RORA: variants seen among roughly 807,000 people sequenced by gnomAD.
RORA encodes the protein nuclear receptor ROR-alpha.
In RORA, 7 loss-of-function variants were observed where a neutral mutation model predicts 69.5. The observed-to-expected ratio is 0.10, with a 90% CI of 0.06 to 0.19. The LOEUF (loss-of-function observed/expected upper bound fraction) is 0.19. RORA is among the 10% of genes least tolerant of loss of function. RORA has a pLI of 1.00. For synonymous variants in RORA, 261 were observed against 240.8 expected (o/e 1.08, Z -0.78); for missense variants, 457 against 663.0 (o/e 0.69, Z 3.41).
chr15:61,181,583 T>C (rs1346033422), intron 1 of RORA, among the ~76,000 whole-genome samples: 1 of 151,552 alleles, frequency 6.6e-6, no homozygotes, highest in Non-Finnish European at 1.5e-5. Flanking sequence ...AATCAGACTT[T>C]GTTGCCACCT....
At chr15:61,150,839 C>G (rs111335524) in intron 1 of RORA, among the ~76,000 whole-genome samples, 1 of 152,202 alleles carries the variant, frequency 6.6e-6, no homozygotes, top group Non-Finnish European at 1.5e-5. Context: ...TGCCATTTCT[C>G]TACTTATCAG....
rs562805662 is a variant in RORA, at chr15:60,741,892, C to T, written c.167-63206G>A. ...ATCCCCTCACTCGCCTCAAACCAAC[C>T]GTGCAAATCTCCTTGGGAAGCAACA... On this transcript the variant is annotated intron_variant, in intron 1 of 10. Coordinates refer to ENST00000335670, the MANE Select transcript of RORA (RefSeq NM_134261.3). Among the ~76,000 whole-genome samples the T allele has an allele frequency of 3.4e-3, 521 of 152,308 alleles. 1 individual carries two copies. The highest frequency in any genetic ancestry group is 3.8e-3 in the African/African-American group (157 of 41,562).
At chr15:60,565,085 A>C (rs897182278) in intron 2 of RORA, among the ~76,000 whole-genome samples, 1 of 152,220 alleles carries the variant, frequency 6.6e-6, no homozygotes, top group Non-Finnish European at 1.5e-5. Flanking sequence ...GCTTTGAAGA[A>C]GAACACTGTC....
At chr15:60,713,604 G>T (rs1490886639) in intron 1 of RORA, among the ~76,000 whole-genome samples, 6 of 152,128 alleles carry the variant, frequency 3.9e-5, no homozygotes, top group African/African-American at 9.7e-5. Flanking sequence ...GTCATATTCA[G>T]CCCTTAGGAA....
chr15:61,111,317 G>A (rs1345191276), intron 1 of RORA, among the ~76,000 whole-genome samples: 2 of 152,296 alleles, frequency 1.3e-5, no homozygotes, highest in East Asian at 1.9e-4. Context: ...TTATTGGAAG[G>A]CATGCTTACT....
At chr15:61,195,445 G>A (rs1358521525) in intron 1 of RORA, among the ~76,000 whole-genome samples, 1 of 151,418 alleles carries the variant, frequency 6.6e-6, no homozygotes, top group Non-Finnish European at 1.5e-5. Flanking sequence ...GGCATTCACA[G>A]TTCTCCACAG....
intron 1 of RORA, among the ~76,000 whole-genome samples, chr15:60,882,636 TACACAC>T (rs67057464): frequency 0.28 from 40,976 of 147,282 alleles, 5,817 homozygotes; most frequent in Admixed American, 0.35. Context: ...GGAGCTTAAC[TACACAC>T]ACACACACAC....
At chr15:60,594,922 G>C (rs2068633304) in intron 2 of RORA, among the ~76,000 whole-genome samples, 2 of 152,176 alleles carry the variant, frequency 1.3e-5, no homozygotes, top group African/African-American at 4.8e-5. Context: ...AATGTAGCTA[G>C]ATGCTATTTG....
At chr15:61,194,795 G>A (rs1410658914) in intron 1 of RORA, among the ~76,000 whole-genome samples, 2 of 152,134 alleles carry the variant, frequency 1.3e-5, no homozygotes, top group African/African-American at 4.8e-5. Context: ...CACACGGCCT[G>A]GGTTTGTATT....
intron 1 of RORA, among the ~76,000 whole-genome samples, chr15:60,790,906 A>G (rs772055683): frequency 2.6e-5 from 4 of 152,152 alleles, no homozygotes; most frequent in Non-Finnish European, 2.9e-5. Flanking sequence ...TTTCAACACC[A>G]TCATGGTAAC....
At chr15:60,572,579 T>C (rs900562087) in intron 2 of RORA, among the ~76,000 whole-genome samples, 5 of 152,106 alleles carry the variant, frequency 3.3e-5, no homozygotes, top group African/African-American at 4.8e-5. Flanking sequence ...ATAATATAGA[T>C]AACAAAACTA....
chr15:61,174,949 T>C (rs1024192452), intron 1 of RORA, among the ~76,000 whole-genome samples: 1 of 152,212 alleles, frequency 6.6e-6, no homozygotes, highest in Admixed American at 6.5e-5. Flanking sequence ...CTAGTGAATT[T>C]GGGGTTTGAA....
intron 1 of RORA, among the ~76,000 whole-genome samples, chr15:61,168,710 C>T: frequency 6.6e-6 from 1 of 152,042 alleles, no homozygotes; most frequent in East Asian, 1.9e-4. Flanking sequence ...TTTTATGGTT[C>T]CCCTCACCAG....
At chr15:61,141,933 G>A (rs1311628532) in intron 1 of RORA, among the ~76,000 whole-genome samples, 1 of 152,110 alleles carries the variant, frequency 6.6e-6, no homozygotes, top group Non-Finnish European at 1.5e-5. Flanking sequence ...TGATGCCTGA[G>A]CAGGTGAGTG....
chr15:61,006,342 A>G (rs1261822857), intron 1 of RORA, among the ~76,000 whole-genome samples: 3 of 152,058 alleles, frequency 2.0e-5, no homozygotes, highest in Non-Finnish European at 2.9e-5. Flanking sequence ...TTTTGCAACT[A>G]AGAAAAAACT....
chr15:60,842,052 C>T (rs1374940224), intron 1 of RORA, among the ~76,000 whole-genome samples: 1 of 152,014 alleles, frequency 6.6e-6, no homozygotes, highest in Non-Finnish European at 1.5e-5. Context: ...TCTTTGACCC[C>T]TTCTTCCTTC....
chr15:60,913,461 T>C (rs895334856), intron 1 of RORA, among the ~76,000 whole-genome samples: 4 of 152,218 alleles, frequency 2.6e-5, no homozygotes, highest in East Asian at 3.9e-4. Context: ...AGTGCCCTTA[T>C]TGTTTTTGCA....
At position 60,592,931 on chromosome 15, in the gene RORA, G is replaced by A. The variant is rs75937241; in HGVS notation, c.197-61080C>T. 5.4e-3 allele frequency: 2,449 copies of A among 455,738 alleles called. 40 individuals are homozygous for A. The highest frequency in any genetic ancestry group is 0.043 in the African/African-American group (2,176 of 50,196). The allele number at this position is 455,738 out of a possible 1,614,324, so 28.2% of individuals were successfully genotyped here. Reference sequence around the variant, plus strand: ...ACGCCACTCTCCCGCTGGCTTGCCGGAGCACTCGGGGGCGATAAATGCGCC... The same window carrying A: ...ACGCCACTCTCCCGCTGGCTTGCCGAAGCACTCGGGGGCGATAAATGCGCC... On this transcript the variant is annotated intron_variant, in intron 2 of 10. Transcript: ENST00000335670.
At chr15:61,048,693 G>C (rs1280526910) in intron 1 of RORA, among the ~76,000 whole-genome samples, 2 of 152,154 alleles carry the variant, frequency 1.3e-5, no homozygotes, top group African/African-American at 4.8e-5. Context: ...GAGTCCAACA[G>C]GACCCATAGA....
Sources: gnomAD v4.1 joint callset for allele counts (sites outside exome capture counted in the v4.1 genomes callset) on GRCh38, gnomAD v4.1.1 for gene constraint, MANE v1.5 for transcripts, NCBI Gene and HGNC (gene_info 2026-07-23, HGNC 2026-07-21) for gene names.